The following HOOK3 variants were observed in gnomAD, a reference collection of about 807,000 sequenced individuals.
HOOK3 encodes protein Hook homolog 3.
HOOK3 carries 24 observed loss-of-function variants against 116.3 expected under a neutral mutation model. The ratio of observed to expected loss-of-function variants is 0.21; its 90% CI spans 0.15 to 0.29. HOOK3 has a LOEUF of 0.29. Ranked by LOEUF, HOOK3 falls within the 10% of genes least tolerant of loss-of-function variation. The pLI, the probability that HOOK3 is intolerant of heterozygous loss-of-function variation, is 1.00. For missense variants in HOOK3, 632 were observed against 830.2 expected, an observed-to-expected ratio of 0.76 and a Z score of 2.93; for synonymous variants, 275 against 283.0, an observed-to-expected ratio of 0.97 and a Z score of 0.28.
At position 43,027,979 on chromosome 8, in the gene HOOK3, A is replaced by G. The variant is rs566115024; in HGVS notation, c.*9481A>G. ...CTTAAGACAACTCTGAGATTTTACC[A>G]CCATACTTAGAGAAAGTTTTTCTGT... On this transcript the variant is annotated 3_prime_UTR_variant, in exon 22 of 22. Coordinates refer to ENST00000307602, the MANE Select transcript of HOOK3 (RefSeq NM_032410.4). The G allele has an allele frequency of 1.2e-3, 228 of 193,872 alleles. 4 individuals are homozygous for G. Among genetic ancestry groups the G allele is most frequent in the African/African-American group, 5.1e-3 (220 of 43,284 alleles). The allele number at this position is 193,872 out of a possible 1,614,324, so 12.0% of individuals were successfully genotyped here.
intron 2 of HOOK3, among the ~76,000 whole-genome samples, chr8:42,913,322 T>C (rs1360447618): frequency 6.6e-6 from 1 of 152,226 alleles, no homozygotes; most frequent in African/African-American, 2.4e-5. Context: ...CAAACACTGC[T>C]CTGCTTTCTG....
intron 21 of HOOK3, among the ~76,000 whole-genome samples, chr8:43,014,387 T>G (rs1213631217): frequency 6.6e-6 from 1 of 151,364 alleles, no homozygotes; most frequent in Non-Finnish European, 1.5e-5. Flanking sequence ...AGTCTCGCTG[T>G]GTATCCTAGG....
chr8:43,018,289 G>A, intron 21 of HOOK3, 69 bp from the exon 22 acceptor site: 1 of 1,418,878 alleles, frequency 7.0e-7, no homozygotes, highest in African/African-American at 1.4e-5. Flanking sequence ...TCTGCATGAT[G>A]AAATTTTCTT....
At chr8:42,938,971 G>A (rs548335528) in intron 4 of HOOK3, among the ~76,000 whole-genome samples, 194 of 152,210 alleles carry the variant, frequency 1.3e-3, no homozygotes, top group African/African-American at 4.4e-3. Flanking sequence ...ATCTTGCACC[G>A]CCCTTAATCC....
rs1194114647 is a variant in HOOK3, at chr8:43,027,476, C to A, written c.*8978C>A. 3 of 468,798 alleles carry A rather than the reference C, an allele frequency of 6.4e-6. No homozygotes were observed. Among genetic ancestry groups the A allele is most frequent in the Admixed American group, 2.6e-5 (1 of 38,350 alleles). The allele number at this position is 468,798 out of a possible 1,614,324, so 29.0% of individuals were successfully genotyped here. A position where few individuals can be genotyped will look rare whatever the true frequency, so the allele number is the denominator to read the frequency against. The stretch of plus-strand genomic sequence containing the variant: ...ACAAAACGTTTCTCTTCTACCTTAC[C>A]CCCTGTTCTACTGACGTGCTTTGCA... On this transcript the variant is annotated 3_prime_UTR_variant, in exon 22 of 22. Coordinates refer to ENST00000307602, the MANE Select transcript of HOOK3 (RefSeq NM_032410.4).
rs146635037 is a variant in HOOK3 at position 43,018,469 on chromosome 8, G to A, written c.2128G>A (p.Gly710Ser). ...GACCAGCAGCAGAAGATCATACCCA[G>A]GCCACGTGCAGCCGGCCACAGCAAG... ...QATSSRRSYPGHVQPATAR is the reference protein window; with the variant it reads ...QATSSRRSYPSHVQPATAR The change falls in exon 22 of 22, where the codon GGC becomes AGC. Residue 710 changes from glycine to serine, a missense_variant. Transcript: ENST00000307602. The A allele has an allele frequency of 3.7e-6, 6 of 1,613,238 alleles. No homozygotes were observed. Among genetic ancestry groups the A allele is most frequent in the Non-Finnish European group, 5.1e-6 (6 of 1,179,780 alleles).
chr8:42,964,835 A>G (rs191908945), intron 9 of HOOK3, among the ~76,000 whole-genome samples: 11 of 152,268 alleles, frequency 7.2e-5, no homozygotes, highest in African/African-American at 2.4e-4. Context: ...TCAAAAAAAA[A>G]AAAGAAAAAA....
Position 42,982,691 on chromosome 8 carries a change from A to C in HOOK3, c.1386A>C (p.Glu462Asp). Residue 462 changes from glutamate to aspartate, a missense_variant, in exon 14 of 22, where the codon GAA becomes GAC. This residue lies in a region of HOOK3 where 483 missense variants were observed against 648.1 expected (regional missense o/e 0.75). Transcript: ENST00000307602. ...DSLAAEIVTP[E>D]IREKLIRLQH... ...TAGCTGCAGAGATTGTTACACCTGA[A>C]ATCAGGTAAGGAGATTGTGGTGTTC... 1 of 1,608,344 alleles carries C rather than the reference A, an allele frequency of 6.2e-7. No individual in the cohort carries two copies. The highest frequency in any genetic ancestry group is 8.5e-7 in the Non-Finnish European group (1 of 1,174,888).
chr8:42,978,667 G>A (rs1808874668), intron 13 of HOOK3, among the ~76,000 whole-genome samples: 1 of 151,938 alleles, frequency 6.6e-6, no homozygotes, highest in Admixed American at 6.6e-5. Context: ...ACCCACCTCG[G>A]CTTCCCAAAG....
In HOOK3 at chr8:43,027,339, T is replaced by C; in HGVS notation, c.*8841T>C. The C allele has an allele frequency of 3.2e-6, 1 of 316,226 alleles. No individual in the cohort carries two copies. Among genetic ancestry groups the C allele is most frequent in the Non-Finnish European group, 6.3e-6 (1 of 159,492 alleles). The allele number at this position is 316,226 out of a possible 1,614,324, so 19.6% of individuals were successfully genotyped here. A position where few individuals can be genotyped will look rare whatever the true frequency, so the allele number is the denominator to read the frequency against. ...AGTTCAAAAATACTGAAATACTTGTTTATTATGTTACATAAATATGGACAC... is the reference window on the plus strand; with the variant it reads ...AGTTCAAAAATACTGAAATACTTGTCTATTATGTTACATAAATATGGACAC... On this transcript the variant is annotated 3_prime_UTR_variant, in exon 22 of 22. Coordinates refer to ENST00000307602, the MANE Select transcript of HOOK3 (RefSeq NM_032410.4).
intron 7 of HOOK3, among the ~76,000 whole-genome samples, chr8:42,957,539 C>A (rs1808457974): frequency 6.6e-6 from 1 of 151,908 alleles, no homozygotes; most frequent in South Asian, 2.1e-4. Flanking sequence ...AAGTTCATGT[C>A]ATTTTCTTGT....
Position 43,020,600 on chromosome 8 carries a change from G to C in HOOK3, c.*2102G>C, listed in dbSNP as rs1038564690. 5.7e-6 allele frequency: 1 copy of C among 174,472 alleles called. No homozygotes were observed. Among genetic ancestry groups the C allele is most frequent in the South Asian group, 2.0e-4 (1 of 5,004 alleles). The allele number at this position is 174,472 out of a possible 1,614,324, so 10.8% of individuals were successfully genotyped here. On this transcript the variant is annotated 3_prime_UTR_variant, in exon 22 of 22. Transcript: ENST00000307602. The stretch of plus-strand genomic sequence containing the variant: ...ATGGTGGCATGTGGCTGTAATCCCA[G>C]CTACTTGGGAGGCTGAGGCAGGAGA...
intron 13 of HOOK3, among the ~76,000 whole-genome samples, chr8:42,982,264 AAAAAAAG>A (rs1449671652): frequency 2.1e-5 from 3 of 142,262 alleles, no homozygotes; most frequent in African/African-American, 8.2e-5. Flanking sequence ...TAAAAAAAAA[AAAAAAAG>A]AAAAAAAAAA....
At chr8:42,936,935 CT>C (rs200759295) in intron 4 of HOOK3, among the ~76,000 whole-genome samples, 3,692 of 152,154 alleles carry the variant, frequency 0.024, 231 homozygotes, top group Admixed American at 0.14. Flanking sequence ...ACCTCTTTTT[CT>C]GTTGTTTGGA....
chr8:42,897,713 A>C (rs1181464306), intron 1 of HOOK3, among the ~76,000 whole-genome samples: 1 of 152,228 alleles, frequency 6.6e-6, no homozygotes, highest in South Asian at 2.1e-4. Context: ...AGGAGTCTGG[A>C]GGTGTCTGGG....
At position 42,966,453 on chromosome 8, in the gene HOOK3, C is replaced by G; in HGVS notation, c.780-20C>G. 1.2e-6 allele frequency: 2 copies of G among 1,611,238 alleles called. No individual in the cohort carries two copies. Among genetic ancestry groups the G allele is most frequent in the Non-Finnish European group, 8.5e-7 (1 of 1,177,954 alleles). ...AGGCAGTAAATAGTGCTTTCTTGGT[C>G]TATTTTATATCGGTTACAGACTAGA... On this transcript the variant is annotated intron_variant, in intron 9 of 21. Transcript: ENST00000307602.
chr8:42,925,710 C>T (rs1807752715), intron 3 of HOOK3, 81 bp downstream of exon 3: 7 of 887,482 alleles, frequency 7.9e-6, no homozygotes, highest in South Asian at 6.5e-5. Context: ...TCTGATGTGT[C>T]CAGTGAGCTT....
intron 4 of HOOK3, among the ~76,000 whole-genome samples, chr8:42,934,477 T>A (rs927782761): frequency 2.0e-5 from 3 of 152,094 alleles, no homozygotes; most frequent in Non-Finnish European, 4.4e-5. Flanking sequence ...CGTGCCATGG[T>A]GGTTTGCTGC....
At chr8:42,908,776 C>A (rs1303872184) in intron 2 of HOOK3, among the ~76,000 whole-genome samples, 5 of 151,992 alleles carry the variant, frequency 3.3e-5, no homozygotes, top group African/African-American at 1.2e-4. Flanking sequence ...GAATTTGACC[C>A]CAAAACAGGC....
Sources: allele counts gnomAD v4.1 joint callset (sites outside exome capture counted in the v4.1 genomes callset), GRCh38; gene constraint gnomAD v4.1.1; regional missense constraint gnomAD v4.1.1; transcripts MANE v1.5; gene names NCBI Gene and HGNC (gene_info 2026-07-23, HGNC 2026-07-21).